CSMD1: variants seen among roughly 807,000 people sequenced by gnomAD.
The protein encoded by CSMD1 is CUB and sushi domain-containing protein 1.
In CSMD1, 213 loss-of-function variants were observed where a neutral mutation model predicts 417.5. That is an observed-to-expected ratio of 0.51 (90% CI 0.46 to 0.57). The LOEUF is 0.57. Ranked by LOEUF, CSMD1 falls within the 20% of genes least tolerant of loss-of-function variation. The probability of loss-of-function intolerance (pLI) is 0.00; values close to 1 mark genes in which losing one functional copy is unlikely to be tolerated. For synonymous variants in CSMD1, 2,862 were observed against 1,736.8 expected (o/e 1.65, Z -16.11); for missense variants, 6,923 against 4,529.7 (o/e 1.53, Z -15.17).
At position 4,158,842 on chromosome 8, in the gene CSMD1, C is replaced by G. The variant is rs141400888; in HGVS notation, c.416-126743G>C. On this transcript the variant is annotated intron_variant, in intron 3 of 69. Coordinates refer to ENST00000635120, the MANE Select transcript of CSMD1 (RefSeq NM_033225.6). Reference sequence around the variant, plus strand: ...GATGTAGAATCCAATAATAGGAAGTCAGTTTTCAGAATCTGAAATCTCAAG... The same window carrying G: ...GATGTAGAATCCAATAATAGGAAGTGAGTTTTCAGAATCTGAAATCTCAAG... Among the ~76,000 whole-genome samples, 969 of 152,268 alleles carry G rather than the reference C, an allele frequency of 6.4e-3. 8 individuals are homozygous for G. Among genetic ancestry groups the G allele is most frequent in the African/African-American group, 0.023 (936 of 41,538 alleles).
At chr8:4,635,069 A>T (rs1802743906) in intron 2 of CSMD1, among the ~76,000 whole-genome samples, 1 of 152,176 alleles carries the variant, frequency 6.6e-6, no homozygotes, top group Non-Finnish European at 1.5e-5. Flanking sequence ...GACAATAAAC[A>T]AGTAGAAATA....
chr8:3,353,060 G>A (rs973905203), intron 21 of CSMD1, among the ~76,000 whole-genome samples: 2 of 152,160 alleles, frequency 1.3e-5, no homozygotes, highest in African/African-American at 4.8e-5. Context: ...TCTGTTATCA[G>A]AAGGTGCAAT....
chr8:4,812,833 T>A (rs899510713), intron 1 of CSMD1, among the ~76,000 whole-genome samples: 35 of 152,216 alleles, frequency 2.3e-4, no homozygotes, highest in African/African-American at 8.4e-4. Flanking sequence ...CCACTTTTCA[T>A]AGGGAATCTA....
chr8:3,840,613 TA>T (rs1391911595), intron 5 of CSMD1, among the ~76,000 whole-genome samples: 1 of 152,050 alleles, frequency 6.6e-6, no homozygotes, highest in African/African-American at 2.4e-5. Context: ...GGTGTGAGTT[TA>T]TGATATATCT....
At chr8:3,014,832 C>G (rs929811041) in intron 52 of CSMD1, among the ~76,000 whole-genome samples, 2 of 152,152 alleles carry the variant, frequency 1.3e-5, no homozygotes, top group Middle Eastern at 3.4e-3. Flanking sequence ...GGGAGGAGCA[C>G]TTGAGTCCAG....
intron 1 of CSMD1, among the ~76,000 whole-genome samples, chr8:4,988,137 T>A (rs1008963661): frequency 2.6e-5 from 4 of 152,246 alleles, no homozygotes; most frequent in Non-Finnish European, 5.9e-5. Context: ...ACAATTTGAC[T>A]CCTTCATGTT....
At chr8:4,409,986 G>C (rs147666607) in intron 3 of CSMD1, among the ~76,000 whole-genome samples, 4,295 of 152,048 alleles carry the variant, frequency 0.028, 91 homozygotes, top group Non-Finnish European at 0.046. Flanking sequence ...GCAAATTTTT[G>C]TATTTTTAGT....
intron 3 of CSMD1, among the ~76,000 whole-genome samples, chr8:4,110,209 G>C (rs553685926): frequency 2.6e-5 from 4 of 152,200 alleles, no homozygotes; most frequent in South Asian, 4.1e-4. Context: ...AAAATCTAGA[G>C]AATATAGATA....
At chr8:4,065,050 T>C (rs1187936748) in intron 3 of CSMD1, among the ~76,000 whole-genome samples, 1 of 152,220 alleles carries the variant, frequency 6.6e-6, no homozygotes, top group Non-Finnish European at 1.5e-5. Flanking sequence ...TAAAATGTGC[T>C]AAAAATTACT....
At chr8:4,930,603 A>T (rs1200187636) in intron 1 of CSMD1, among the ~76,000 whole-genome samples, 1 of 152,192 alleles carries the variant, frequency 6.6e-6, no homozygotes, top group East Asian at 1.9e-4. Context: ...ATAGAACACA[A>T]TTACATTTAT....
At chr8:3,834,602 G>C (rs1487918006) in intron 5 of CSMD1, among the ~76,000 whole-genome samples, 2 of 152,188 alleles carry the variant, frequency 1.3e-5, no homozygotes. Context: ...TAACAAATGT[G>C]AAGGTAATAC....
At chr8:3,924,742 A>G (rs552892811) in intron 5 of CSMD1, among the ~76,000 whole-genome samples, 92 of 150,096 alleles carry the variant, frequency 6.1e-4, no homozygotes, top group Non-Finnish European at 1.1e-3. Context: ...TTGTTGAACT[A>G]CTCATTTTGT....
At chr8:4,582,487 C>A (rs982159343) in intron 2 of CSMD1, among the ~76,000 whole-genome samples, 4 of 152,154 alleles carry the variant, frequency 2.6e-5, no homozygotes, top group Non-Finnish European at 5.9e-5. Context: ...TTCCTCCAGG[C>A]ACCAGGCAGG....
chr8:4,316,761 C>T (rs111582651), intron 3 of CSMD1, among the ~76,000 whole-genome samples: 4 of 152,160 alleles, frequency 2.6e-5, no homozygotes, highest in Middle Eastern at 3.4e-3. Context: ...CGAACGCCCC[C>T]AAAACCCTTT....
chr8:3,326,220 T>G (rs1361844098), intron 23 of CSMD1, among the ~76,000 whole-genome samples: 1 of 152,226 alleles, frequency 6.6e-6, no homozygotes, highest in Non-Finnish European at 1.5e-5. Context: ...GCAAGGATGA[T>G]AAAACATCAT....
chr8:4,665,297 C>T (rs1199795919), intron 1 of CSMD1, among the ~76,000 whole-genome samples: 1 of 152,194 alleles, frequency 6.6e-6, no homozygotes, highest in Non-Finnish European at 1.5e-5. Context: ...GATTGGCCTT[C>T]CTCTCCCTTT....
At chr8:3,672,955 C>A (rs975633528) in intron 7 of CSMD1, among the ~76,000 whole-genome samples, 1 of 152,194 alleles carries the variant, frequency 6.6e-6, no homozygotes, top group Non-Finnish European at 1.5e-5. Flanking sequence ...AATAACTTAT[C>A]TCGTTATTCC....
chr8:3,225,643 A>C (rs1585710660), intron 27 of CSMD1, among the ~76,000 whole-genome samples: 1 of 152,192 alleles, frequency 6.6e-6, no homozygotes, highest in South Asian at 2.1e-4. Flanking sequence ...TACCAGCAGG[A>C]AGAGTTCAGG....
chr8:3,337,830 C>G (rs1442105968), intron 23 of CSMD1, among the ~76,000 whole-genome samples: 1 of 152,136 alleles, frequency 6.6e-6, no homozygotes, highest in Non-Finnish European at 1.5e-5. Flanking sequence ...TTGAGTGGCT[C>G]TGCTACAAAC....
Sources: gnomAD v4.1 joint callset for allele counts (sites outside exome capture counted in the v4.1 genomes callset) on GRCh38, gnomAD v4.1.1 for gene constraint, MANE v1.5 for transcripts, NCBI Gene and HGNC (gene_info 2026-07-23, HGNC 2026-07-21) for gene names.